The following DPH6 variants were observed in gnomAD, a reference collection of about 807,000 sequenced individuals.
The protein encoded by DPH6 is diphthine--ammonia ligase.
DPH6 carries 33 observed loss-of-function variants against 38.2 expected under a neutral mutation model. The ratio of observed to expected loss-of-function variants is 0.86; its 90% CI spans 0.65 to 1.15. The LOEUF is 1.15. DPH6 is among the 50% of genes most tolerant of loss of function. The pLI, the probability that DPH6 is intolerant of heterozygous loss-of-function variation, is 0.00. For missense variants in DPH6, 325 were observed against 320.0 expected (o/e 1.02, Z -0.12); for synonymous variants, 108 against 103.0 (o/e 1.05, Z -0.30).
intron 3 of DPH6, among the ~76,000 whole-genome samples, chr15:35,481,823 T>A (rs1037898219): frequency 1.3e-5 from 2 of 152,146 alleles, no homozygotes; most frequent in Admixed American, 6.6e-5. Flanking sequence ...TATAACTTTT[T>A]AAAATATTAA....
chr15:35,232,411 C>T (rs901435416), intron 3 of DPH6, among the ~76,000 whole-genome samples: 5 of 152,036 alleles, frequency 3.3e-5, no homozygotes, highest in Non-Finnish European at 7.4e-5. Context: ...GAAACCCTGT[C>T]TCCACTAAAA....
intron 3 of DPH6, among the ~76,000 whole-genome samples, chr15:35,527,740 G>A (rs1011410042): frequency 1.3e-5 from 2 of 152,152 alleles, no homozygotes; most frequent in African/African-American, 4.8e-5. Context: ...TCCGACAATA[G>A]TCTAGTTTAG....
At chr15:35,298,541 T>G (rs1424071726) in intron 3 of DPH6, 4 of 781,556 alleles carry the variant, frequency 5.1e-6, no homozygotes, top group Non-Finnish European at 7.1e-6. Flanking sequence ...GACCACTTTA[T>G]TAAGACACTT....
Position 35,494,117 on chromosome 15 carries a change from T to C in DPH6, c.313-39297A>G, listed in dbSNP as rs141696549. On this transcript the variant is annotated intron_variant, in intron 3 of 8. Transcript: ENST00000256538. Reference sequence around the variant, plus strand: ...TGGGATAAAATAGTATTATGAGAATTATTTTAAGGGCTGTGTTAACACATG... The same window carrying C: ...TGGGATAAAATAGTATTATGAGAATCATTTTAAGGGCTGTGTTAACACATG... Among the ~76,000 whole-genome samples, 41 of 152,240 alleles carry C rather than the reference T, an allele frequency of 2.7e-4. No homozygotes were observed. In the East Asian group the frequency reaches 7.9e-3, roughly 29 times the overall value.
At chr15:35,206,370 T>C in the DPH6 span, among the ~76,000 whole-genome samples, 5 of 152,184 alleles carry the variant, frequency 3.3e-5, no homozygotes, top group Admixed American at 6.5e-5. Context: ...TCCACAGTTA[T>C]ATTAGAACAT....
At chr15:35,271,325 G>A (rs996960512) in intron 3 of DPH6, among the ~76,000 whole-genome samples, 1 of 152,086 alleles carries the variant, frequency 6.6e-6, no homozygotes, top group African/African-American at 2.4e-5. Context: ...CCCCAATTGG[G>A]TAGCTTTCAT....
chr15:35,472,136 T>G (rs7172841), intron 3 of DPH6, among the ~76,000 whole-genome samples: 2,701 of 152,142 alleles, frequency 0.018, 82 homozygotes, highest in African/African-American at 0.06. Context: ...CTTTATAAGA[T>G]TAGGACTTCA....
chr15:35,243,664 C>T (rs1466595785), intron 3 of DPH6, among the ~76,000 whole-genome samples: 2 of 149,690 alleles, frequency 1.3e-5, no homozygotes, highest in Non-Finnish European at 3.0e-5. Flanking sequence ...GAGAACAACC[C>T]TCTTTGACTG....
chr15:35,510,123 GGAGGATCT>G (rs2054748477), intron 3 of DPH6, among the ~76,000 whole-genome samples: 1 of 152,138 alleles, frequency 6.6e-6, no homozygotes, highest in Admixed American at 6.5e-5. Flanking sequence ...TGCTGTGGTG[GGAGGATCT>G]GAGCTCAGTA....
At chr15:35,302,671 G>C (rs2052062184) in intron 3 of DPH6, among the ~76,000 whole-genome samples, 2 of 152,118 alleles carry the variant, frequency 1.3e-5, no homozygotes, top group African/African-American at 4.8e-5. Flanking sequence ...AAAAAATGAA[G>C]TTAAATGTCC....
intron 3 of DPH6, among the ~76,000 whole-genome samples, chr15:35,232,157 G>A (rs1337266821): frequency 6.6e-6 from 1 of 152,184 alleles, no homozygotes; most frequent in East Asian, 1.9e-4. Context: ...CAATGTATTG[G>A]CTCAGTATAT....
chr15:35,430,536 G>GC (rs1184928096), intron 5 of DPH6, among the ~76,000 whole-genome samples: 1 of 120,212 alleles, frequency 8.3e-6, no homozygotes, highest in East Asian at 2.5e-4. Flanking sequence ...TTATCCTGTA[G>GC]CCAAAAAAAA....
chr15:35,400,598 T>C (rs2053204393), intron 6 of DPH6: 1 of 438,138 alleles, frequency 2.3e-6, no homozygotes, highest in Non-Finnish European at 4.1e-6. Flanking sequence ...AATATAAACC[T>C]TGACTAACAT....
chr15:35,477,226 T>C (rs1045159877), intron 3 of DPH6, among the ~76,000 whole-genome samples: 1 of 151,868 alleles, frequency 6.6e-6, no homozygotes, highest in Non-Finnish European at 1.5e-5. Context: ...TATCAAAGTA[T>C]AACATTATCT....
intron 3 of DPH6, chr15:35,237,650 C>G: frequency 6.2e-7 from 1 of 1,613,376 alleles, no homozygotes; most frequent in Non-Finnish European, 8.5e-7. Context: ...AACAGAGCCA[C>G]TGAAAAACTT....
chr15:35,237,831 A>G, intron 3 of DPH6: 2 of 1,544,518 alleles, frequency 1.3e-6, no homozygotes, highest in South Asian at 2.2e-5. Flanking sequence ...GGCCTGGAGG[A>G]GGAGGAGGAG....
intron 3 of DPH6, among the ~76,000 whole-genome samples, chr15:35,332,201 A>C (rs939184463): frequency 6.6e-6 from 1 of 152,156 alleles, no homozygotes; most frequent in Non-Finnish European, 1.5e-5. Flanking sequence ...AAAATAATTC[A>C]CATGTTCACA....
intron 5 of DPH6, among the ~76,000 whole-genome samples, chr15:35,417,102 T>C (rs912206596): frequency 6.6e-6 from 1 of 152,062 alleles, no homozygotes; most frequent in African/African-American, 2.4e-5. Flanking sequence ...TAATTGTTTT[T>C]ATAAGTATAA....
At chr15:35,499,357 A>T (rs2054596434) in intron 3 of DPH6, among the ~76,000 whole-genome samples, 1 of 152,014 alleles carries the variant, frequency 6.6e-6, no homozygotes, top group African/African-American at 2.4e-5. Context: ...TGATTATGAG[A>T]GTTAATTAAT....
Sources: gnomAD v4.1 joint callset for allele counts (sites outside exome capture counted in the v4.1 genomes callset) on GRCh38, gnomAD v4.1.1 for gene constraint, MANE v1.5 for transcripts, NCBI Gene and HGNC (gene_info 2026-07-23, HGNC 2026-07-21) for gene names.